Variants in SDK1 observed in about 807,000 individuals in gnomAD.
The protein encoded by SDK1 is protein sidekick-1.
Under a neutral mutation model 245.5 loss-of-function variants are expected in SDK1, and 157 were observed. The ratio of observed to expected loss-of-function variants is 0.64; its 90% confidence interval spans 0.56 to 0.73. SDK1 has a LOEUF of 0.73. Ranked by LOEUF, SDK1 falls within the 30% of genes least tolerant of loss-of-function variation. The pLI, the probability that SDK1 is intolerant of heterozygous loss-of-function variation, is 0.00. For synonymous variants in SDK1, 1,647 were observed against 1,278.5 expected, an observed-to-expected ratio of 1.29 and a Z score of -6.15; for missense variants, 3,583 against 3,002.3, an observed-to-expected ratio of 1.19 and a Z score of -4.52.
At chr7:4,242,821 G>T (rs1450014243) in intron 43 of SDK1, among the ~76,000 whole-genome samples, 1 of 152,202 alleles carries the variant, frequency 6.6e-6, no homozygotes, top group Non-Finnish European at 1.5e-5. Context: ...AGTGTTTGGA[G>T]ATTCCCTGGG....
chr7:3,870,727 T>C (rs535450705), intron 5 of SDK1, among the ~76,000 whole-genome samples: 1 of 152,350 alleles, frequency 6.6e-6, no homozygotes, highest in East Asian at 1.9e-4. Context: ...AAATTAACAT[T>C]GGTACATTAC....
At chr7:3,701,608 C>A (rs909770454) in intron 4 of SDK1, among the ~76,000 whole-genome samples, 1 of 151,894 alleles carries the variant, frequency 6.6e-6, no homozygotes, top group African/African-American at 2.4e-5. Context: ...CAAAAAAACC[C>A]AAAAATATAA....
intron 1 of SDK1, among the ~76,000 whole-genome samples, chr7:3,486,555 T>C (rs1319622865): frequency 6.6e-6 from 1 of 152,140 alleles, no homozygotes. Flanking sequence ...TGATTTTTTC[T>C]GACCCTGCTG....
chr7:3,487,916 A>T (rs1033007005), intron 1 of SDK1, among the ~76,000 whole-genome samples: 14 of 152,250 alleles, frequency 9.2e-5, no homozygotes, highest in Admixed American at 6.5e-4. Context: ...AAGGTATTCA[A>T]GTTTATTAAT....
intron 4 of SDK1, among the ~76,000 whole-genome samples, chr7:3,800,477 G>GT (rs1458880848): frequency 6.6e-6 from 1 of 152,022 alleles, no homozygotes; most frequent in Non-Finnish European, 1.5e-5. Context: ...TGCCTCCTGG[G>GT]TTTAAGAGAT....
intron 5 of SDK1, among the ~76,000 whole-genome samples, chr7:3,881,622 A>ACCAG (rs1459556324): frequency 2.0e-5 from 3 of 152,322 alleles, no homozygotes; most frequent in Non-Finnish European, 4.4e-5. Context: ...TGGTTATATA[A>ACCAG]CCAGTAATAG....
At chr7:3,507,952 C>T (rs755366592) in intron 1 of SDK1, among the ~76,000 whole-genome samples, 2 of 152,126 alleles carry the variant, frequency 1.3e-5, no homozygotes, top group Non-Finnish European at 2.9e-5. Flanking sequence ...TCACTTGATT[C>T]CTGGTGGCAT....
At chr7:3,596,214 C>T (rs1781057375) in intron 1 of SDK1, among the ~76,000 whole-genome samples, 1 of 152,102 alleles carries the variant, frequency 6.6e-6, no homozygotes, top group African/African-American at 2.4e-5. Flanking sequence ...AAGCTGTCAT[C>T]TTGCTGGCTC....
At chr7:4,021,752 T>G (rs1363791222) in intron 17 of SDK1, among the ~76,000 whole-genome samples, 1 of 152,196 alleles carries the variant, frequency 6.6e-6, no homozygotes, top group Non-Finnish European at 1.5e-5. Context: ...TTCCTGGAAT[T>G]CTCTCCTTGT....
At chr7:3,502,615 T>C (rs987328500) in intron 1 of SDK1, among the ~76,000 whole-genome samples, 1 of 152,232 alleles carries the variant, frequency 6.6e-6, no homozygotes, top group African/African-American at 2.4e-5. Context: ...AAAATTTGGA[T>C]TTACATACAT....
At chr7:3,671,436 T>C (rs1319557908) in intron 4 of SDK1, among the ~76,000 whole-genome samples, 1 of 152,202 alleles carries the variant, frequency 6.6e-6, no homozygotes, top group African/African-American at 2.4e-5. Context: ...GTAAAATACT[T>C]TGTTGCTCAT....
chr7:4,124,610 G>C (rs1414561361), intron 25 of SDK1, among the ~76,000 whole-genome samples: 1 of 152,204 alleles, frequency 6.6e-6, no homozygotes, highest in East Asian at 1.9e-4. Flanking sequence ...AGATACCGGA[G>C]GTTAGGATAA....
chr7:4,015,762 G>A (rs1786345850), intron 16 of SDK1, among the ~76,000 whole-genome samples: 1 of 152,214 alleles, frequency 6.6e-6, no homozygotes, highest in South Asian at 2.1e-4. Context: ...GGCAAGCCCA[G>A]AGGCCACTTG....
chr7:3,851,766 G>A (rs945933549), intron 5 of SDK1, among the ~76,000 whole-genome samples: 2 of 152,034 alleles, frequency 1.3e-5, no homozygotes, highest in East Asian at 3.9e-4. Context: ...AACGGCCTTT[G>A]GAAAAGAATT....
intron 4 of SDK1, among the ~76,000 whole-genome samples, chr7:3,818,931 G>T (rs1779577418): frequency 6.6e-6 from 1 of 152,140 alleles, no homozygotes. Context: ...GGATTGCAGG[G>T]GGAAGGCATG....
At chr7:3,452,626 A>G (rs1389139687) in intron 1 of SDK1, among the ~76,000 whole-genome samples, 5 of 152,198 alleles carry the variant, frequency 3.3e-5, no homozygotes, top group Admixed American at 3.3e-4. Context: ...AAAGATGGAA[A>G]TATTTGCCAA....
rs763975570 is a variant in SDK1, at chr7:3,301,277, G to GGGCGGGGGC, written c.-305_-304insGGGCGGCGG. Among the ~76,000 whole-genome samples the GGGCGGGGGC allele has an allele frequency of 2.1e-5, 3 of 145,758 alleles. No homozygotes were observed. Among genetic ancestry groups the GGGCGGGGGC allele is most frequent in the Admixed American group, 1.4e-4 (2 of 14,778 alleles). On this transcript the variant is annotated 5_prime_UTR_variant, in exon 1 of 45. Coordinates refer to ENST00000404826, the MANE Select transcript of SDK1 (RefSeq NM_152744.4). ...GCACTTTCTTCTCAGCGCCGGGCGG[G>GGGCGGGGGC]GGCGGCGGCGGCGGCGGCTCCTCCG...
chr7:4,217,267 G>C (rs2128230403), intron 38 of SDK1, among the ~76,000 whole-genome samples: 1 of 137,296 alleles, frequency 7.3e-6, no homozygotes, highest in Non-Finnish European at 1.6e-5. Flanking sequence ...ACACCACCCG[G>C]AGCACCAGGC....
chr7:3,411,081 A>C (rs1779186987), intron 1 of SDK1, among the ~76,000 whole-genome samples: 1 of 152,188 alleles, frequency 6.6e-6, no homozygotes, highest in Non-Finnish European at 1.5e-5. Flanking sequence ...CATTATAAGA[A>C]AGAAAAACTT....
Sources: allele counts gnomAD v4.1 joint callset (sites outside exome capture counted in the v4.1 genomes callset), GRCh38; gene constraint gnomAD v4.1.1; transcripts MANE v1.5; gene names NCBI Gene and HGNC (gene_info 2026-07-23, HGNC 2026-07-21).